The following HVCN1 variants were observed in gnomAD, a reference collection of about 807,000 sequenced individuals.
The protein encoded by HVCN1 is voltage-gated hydrogen channel 1.
In HVCN1, 14 loss-of-function variants were observed where a neutral mutation model predicts 29.2. That is an observed-to-expected ratio of 0.48 (90% confidence interval 0.32 to 0.75). HVCN1 has a LOEUF of 0.75. Ranked by LOEUF, HVCN1 falls within the 30% of genes least tolerant of loss-of-function variation. HVCN1 has a pLI of 0.04. For synonymous variants in HVCN1, 131 were observed against 133.2 expected (o/e 0.98, Z 0.11); for missense variants, 263 against 341.8 (o/e 0.77, Z 1.82).
intron 2 of HVCN1, among the ~76,000 whole-genome samples, chr12:110,687,805 G>A (rs1468988971): frequency 1.3e-5 from 2 of 152,180 alleles, no homozygotes; most frequent in Non-Finnish European, 2.9e-5. Flanking sequence ...TCAAGTCTGG[G>A]GACAAGAACA....
chr12:110,682,377 T>A (rs1346889723), intron 3 of HVCN1, among the ~76,000 whole-genome samples: 1 of 152,158 alleles, frequency 6.6e-6, no homozygotes, highest in East Asian at 1.9e-4. Flanking sequence ...TTTTTGTATT[T>A]TTGTAGAGAT....
Position 110,649,294 on chromosome 12 carries a change from G to A in HVCN1, c.*116C>T. ...CCAGAATCCATGCTGGCAGGAGGGA[G>A]GCAGAGGTATCAAACCAAACCTCTC... On this transcript the variant is annotated 3_prime_UTR_variant, in exon 8 of 8. Coordinates refer to ENST00000242607, the MANE Select transcript of HVCN1 (RefSeq NM_032369.4). 1.3e-6 allele frequency: 1 copy of A among 781,188 alleles called. No homozygotes were observed. The highest frequency in any genetic ancestry group is 2.1e-5 in the Admixed American group (1 of 48,548). The allele number at this position is 781,188 out of a possible 1,614,324, so 48.4% of individuals were successfully genotyped here. A position where few individuals can be genotyped will look rare whatever the true frequency, so the allele number is the denominator to read the frequency against.
chr12:110,677,174 C>T (rs1161337469), intron 3 of HVCN1, among the ~76,000 whole-genome samples: 2 of 151,986 alleles, frequency 1.3e-5, no homozygotes, highest in African/African-American at 4.8e-5. Flanking sequence ...CACTGCACTC[C>T]AGCCTGGGTG....
chr12:110,703,121 G>A (rs2069578094), intron 1 of HVCN1, among the ~76,000 whole-genome samples: 1 of 150,870 alleles, frequency 6.6e-6, no homozygotes, highest in South Asian at 2.1e-4. Context: ...AAGGCTTGGT[G>A]CAGTGGCTCC....
In HVCN1 at chr12:110,658,830, G is replaced by A. The variant is rs961135002; in HGVS notation, c.306+2334C>T. 6.6e-6 allele frequency among the ~76,000 whole-genome samples: 1 copy of A among 152,234 alleles called. No homozygotes were observed. The highest frequency in any genetic ancestry group is 1.5e-5 in the Non-Finnish European group (1 of 68,054). On this transcript the variant is annotated intron_variant, in intron 4 of 7. Coordinates refer to ENST00000242607, the MANE Select transcript of HVCN1 (RefSeq NM_032369.4). The surrounding 1 kb of genome is among the most constrained non-coding windows in gnomAD (Gnocchi z 5.0). ...CACAGCAGGTGCTCAATAAGTGACT[G>A]TTGGGTGGGTGAATAAACACCTCCA...
At chr12:110,696,348 T>C (rs528945252) in intron 2 of HVCN1, among the ~76,000 whole-genome samples, 3 of 152,296 alleles carry the variant, frequency 2.0e-5, no homozygotes, top group South Asian at 2.1e-4. Flanking sequence ...TGGTGGCATT[T>C]AGTACATTCA....
Position 110,688,675 on chromosome 12 carries a change from G to A in HVCN1, c.-70C>T, listed in dbSNP as rs1383197715. 6.6e-6 allele frequency: 1 copy of A among 152,528 alleles called. No individual in the cohort carries two copies. The highest frequency in any genetic ancestry group is 6.5e-5 in the Admixed American group (1 of 15,294). The allele number at this position is 152,528 out of a possible 1,614,324, so 9.4% of individuals were successfully genotyped here. ...CCTTTGGCTGTGTGACCCAAGGCAA[G>A]GGGCTTGGCCTCTCTGCGTCTTGGT... is the stretch of plus-strand genomic sequence containing the variant. On this transcript the variant is annotated 5_prime_UTR_variant, in exon 2 of 8. Coordinates refer to ENST00000242607, the MANE Select transcript of HVCN1 (RefSeq NM_032369.4).
intron 1 of HVCN1, among the ~76,000 whole-genome samples, chr12:110,704,351 T>C (rs1461937450): frequency 6.6e-6 from 1 of 152,076 alleles, no homozygotes; most frequent in East Asian, 1.9e-4. Context: ...TAGAAGTGTA[T>C]ACAAAAAATA....
Position 110,651,273 on chromosome 12 carries a change from T to G in HVCN1, c.587A>C (p.Glu196Ala). The change falls in exon 6 of 8, where the codon GAG (glutamate) becomes GCG (alanine). Residue 196 changes from glutamate (E) to alanine (A), a missense_variant. This residue lies in a region of HVCN1 where 55 missense variants were observed against 109.4 expected (regional missense o/e 0.50). Transcript: ENST00000242607. ...GAGCAGAATCAGCAGGCCCAGAGCCTCAAACTGGTGCTCCTGGAACAGGAG... is the reference window on the plus strand; with the variant it reads ...GAGCAGAATCAGCAGGCCCAGAGCCGCAAACTGGTGCTCCTGGAACAGGAG... ...IVLLFQEHQFEALGLLILLRL... is the reference protein window; with the variant it reads ...IVLLFQEHQFAALGLLILLRL... 6.2e-7 allele frequency: 1 copy of G among 1,613,984 alleles called. No individual in the cohort carries two copies.
chr12:110,662,297 G>A (rs2068205490), intron 3 of HVCN1, among the ~76,000 whole-genome samples: 1 of 152,092 alleles, frequency 6.6e-6, no homozygotes, highest in Non-Finnish European at 1.5e-5. Flanking sequence ...GCACTTACAT[G>A]AATGTGTAAA....
intron 2 of HVCN1, among the ~76,000 whole-genome samples, chr12:110,700,455 G>A (rs2069553228): frequency 6.6e-6 from 1 of 152,308 alleles, no homozygotes. Flanking sequence ...AAGCAGCCAA[G>A]TTGTAGAAGA....
At chr12:110,683,365 T>G (rs994874811) in intron 2 of HVCN1, 101 bp from the exon 3 acceptor site, 34 of 1,428,924 alleles carry the variant, frequency 2.4e-5, no homozygotes, top group Non-Finnish European at 3.0e-5. Flanking sequence ...TTAAGTTAGT[T>G]TAGTTTTAAC....
chr12:110,684,876 C>T lies in HVCN1; in HGVS notation c.-19-1612G>A, dbSNP rs546123749. 1.2e-4 allele frequency among the ~76,000 whole-genome samples: 19 copies of T among 152,276 alleles called. 1 individual carries two copies. The South Asian group carries it at 2.3e-3, about 18-fold the overall frequency. Reference sequence around the variant, plus strand: ...TGACCCTCTGACCAGTTTCCTACGTCGCCTTCTGGAGTATTCTATGCCCTC... The same window carrying T: ...TGACCCTCTGACCAGTTTCCTACGTTGCCTTCTGGAGTATTCTATGCCCTC... On this transcript the variant is annotated intron_variant, in intron 2 of 7. Coordinates refer to ENST00000242607, the MANE Select transcript of HVCN1 (RefSeq NM_032369.4).
At position 110,661,458 on chromosome 12, in the gene HVCN1, G is replaced by A. The variant is rs1259032090; in HGVS notation, c.22-10C>T. On this transcript the variant is annotated splice_polypyrimidine_tract_variant and intron_variant, in intron 3 of 7. Transcript: ENST00000242607. The surrounding 1 kb of genome is among the most constrained non-coding windows in gnomAD (Gnocchi z 6.2). ...CCCTGCGGGTGACTGCCTAGAAGGCGGGGACAGAGAGCAAGAGCTTCAGGC... is the reference window on the plus strand; with the variant it reads ...CCCTGCGGGTGACTGCCTAGAAGGCAGGGACAGAGAGCAAGAGCTTCAGGC... The A allele has an allele frequency of 3.7e-6, 6 of 1,612,402 alleles. No individual in the cohort carries two copies. The highest frequency in any genetic ancestry group is 2.2e-5 in the South Asian group (2 of 90,936).
intron 2 of HVCN1, among the ~76,000 whole-genome samples, chr12:110,687,483 C>T (rs1030412041): frequency 2.8e-4 from 42 of 152,024 alleles, no homozygotes; most frequent in Admixed American, 8.5e-4. Context: ...TAGGAGGTGG[C>T]GGCTGGGGAC....
chr12:110,700,044 C>T (rs904024820), intron 2 of HVCN1, among the ~76,000 whole-genome samples: 21 of 152,340 alleles, frequency 1.4e-4, no homozygotes, highest in African/African-American at 4.3e-4. Context: ...ACCATAGACA[C>T]GTGCCGGCCA....
chr12:110,655,711 T>TG (rs1301364046), intron 4 of HVCN1, among the ~76,000 whole-genome samples: 4 of 151,790 alleles, frequency 2.6e-5, no homozygotes, highest in African/African-American at 7.3e-5. Flanking sequence ...ATCAGTTTTT[T>TG]TTTTTTTTTT....
chr12:110,683,909 T>TAAA (rs766895530), intron 2 of HVCN1, among the ~76,000 whole-genome samples: 6 of 67,858 alleles, frequency 8.8e-5, no homozygotes, highest in Admixed American at 1.8e-4. Flanking sequence ...AGACTCTATC[T>TAAA]AAAAAAAAAA....
Position 110,699,786 on chromosome 12 carries a change from C to G in HVCN1, c.-104+2523G>C, listed in dbSNP as rs553333437. Among the ~76,000 whole-genome samples, 5 of 152,196 alleles carry G rather than the reference C, an allele frequency of 3.3e-5. No individual in the cohort carries two copies. The East Asian group carries it at 9.7e-4, about 29-fold the overall frequency. On this transcript the variant is annotated intron_variant, in intron 2 of 4. Coordinates refer to the HVCN1 transcript ENST00000546713. ...TCTTCACAATGGCCATGAGGTAGGC[C>G]CTCCGATGAGTTAGGATTATGTTCT... is the stretch of plus-strand genomic sequence containing the variant.
Sources: allele counts gnomAD v4.1 joint callset (sites outside exome capture counted in the v4.1 genomes callset), GRCh38; gene constraint gnomAD v4.1.1; regional missense constraint gnomAD v4.1.1; non-coding constraint Gnocchi (gnomAD v3.1); transcripts MANE v1.5; gene names NCBI Gene and HGNC (gene_info 2026-07-23, HGNC 2026-07-21).